The following INPP5D variants were observed in gnomAD, a reference collection of about 807,000 sequenced individuals.
The protein encoded by INPP5D is inositol polyphosphate-5-phosphatase D.
Under a neutral mutation model 122.9 loss-of-function variants are expected in INPP5D, and 33 were observed. That is an observed-to-expected ratio of 0.27 (90% CI 0.20 to 0.36). INPP5D has a LOEUF of 0.36. INPP5D is among the 10% of genes least tolerant of loss of function. The probability of loss-of-function intolerance (pLI) is 1.00; values close to 1 mark genes in which losing one functional copy is unlikely to be tolerated. For synonymous variants in INPP5D, 584 were observed against 576.2 expected (o/e 1.01, Z -0.19); for missense variants, 1,053 against 1,412.7 (o/e 0.75, Z 4.08).
chr2:233,098,936 T>TTTTATTTATTTA (rs57540040), intron 2 of INPP5D, among the ~76,000 whole-genome samples: 5,828 of 146,026 alleles, frequency 0.04, 273 homozygotes, highest in African/African-American at 0.11. Flanking sequence ...GGAACTTTAT[T>TTTTATTTATTTA]TTTATTTATT....
intron 18 of INPP5D, among the ~76,000 whole-genome samples, chr2:233,178,380 T>C (rs865800192): frequency 7.5e-4 from 114 of 152,314 alleles, no homozygotes; most frequent in African/African-American, 2.3e-3. Context: ...TAGTTCCCAT[T>C]ACTTACGAAG....
Position 233,060,559 on chromosome 2 carries a change from C to T in INPP5D, c.81C>T (p.Ser27=). The change falls in exon 1 of 27, where the codon AGC becomes AGT. Residue 27 remains serine, a synonymous_variant. Coordinates refer to ENST00000445964, the MANE Select transcript of INPP5D (RefSeq NM_001017915.3). ...TTTCCAGGACAGGCAAGGACGGGAG[C>T]TTCCTCGTGCGTGCCAGCGAGTCCA... ...ELLSRTGKDG[S]FLVRASESIS... The T allele has an allele frequency of 6.2e-7, 1 of 1,614,036 alleles. No homozygotes were observed. Among genetic ancestry groups the T allele is most frequent in the Non-Finnish European group, 8.5e-7 (1 of 1,179,884 alleles).
chr2:233,094,542 A>AAAAAAAAAAAAAAC (rs1692082018), intron 2 of INPP5D, among the ~76,000 whole-genome samples: 1 of 145,674 alleles, frequency 6.9e-6, no homozygotes, highest in Non-Finnish European at 1.5e-5. Flanking sequence ...AAAAAAAAAA[A>AAAAAAAAAAAAAAC]TTCTAAAATC....
At chr2:233,116,349 G>GCTCCA (rs1343115502) in intron 2 of INPP5D, among the ~76,000 whole-genome samples, 4 of 151,778 alleles carry the variant, frequency 2.6e-5, no homozygotes, top group East Asian at 1.9e-4. Context: ...GAGTGCAGTG[G>GCTCCA]TGTGATTGTG....
Position 233,130,508 on chromosome 2 carries a change from G to A in INPP5D, c.525G>A (p.Gly175=), listed in dbSNP as rs542437164. The A allele has an allele frequency of 6.2e-7, 1 of 1,612,248 alleles. No homozygotes were observed. The highest frequency in any genetic ancestry group is 8.5e-7 in the Non-Finnish European group (1 of 1,179,486). ...TTTGTTTCTTTTTTCTTTTCTTTAG[G>A]CTTCCAGAAGAGCATCTTAAGGCCA... ...FQRLQSMDTS[G]LPEEHLKAIQ... Residue 175 remains glycine (G), a splice_region_variant and synonymous_variant, in exon 5 of 27, where the codon GGG becomes GGA. Transcript: ENST00000445964.
intron 2 of INPP5D, among the ~76,000 whole-genome samples, chr2:233,121,732 G>C (rs1692986121): frequency 6.6e-6 from 1 of 151,730 alleles, no homozygotes; most frequent in African/African-American, 2.4e-5. Flanking sequence ...CATCGTGTTG[G>C]CCAGGCTGGT....
intron 10 of INPP5D, among the ~76,000 whole-genome samples, chr2:233,159,378 A>G (rs1694138554): frequency 6.6e-6 from 1 of 152,204 alleles, no homozygotes; most frequent in Admixed American, 6.5e-5. Context: ...TGAACAGCCT[A>G]GTCAGACCCC....
intron 2 of INPP5D, among the ~76,000 whole-genome samples, chr2:233,097,608 T>A (rs1692181727): frequency 6.6e-6 from 1 of 152,186 alleles, no homozygotes; most frequent in Non-Finnish European, 1.5e-5. Flanking sequence ...CATCATGACA[T>A]TTTCTGGTTA....
chr2:233,082,238 C>G lies in INPP5D; in HGVS notation c.198+2840C>G, dbSNP rs904638747. 2.0e-5 allele frequency among the ~76,000 whole-genome samples: 3 copies of G among 152,180 alleles called. No individual in the cohort carries two copies. The highest frequency in any genetic ancestry group is 4.4e-5 in the Non-Finnish European group (3 of 68,038). On this transcript the variant is annotated intron_variant, in intron 2 of 26. Transcript: ENST00000445964. The surrounding 1 kb of genome is among the most constrained non-coding windows in gnomAD (Gnocchi z 4.7). The stretch of plus-strand genomic sequence containing the variant: ...GGTGGACTCACCTTCGAAAATCTAC[C>G]TCCAAGAGTAAATGACAGCAGACGT...
Position 233,204,454 on chromosome 2 carries a change from A to T in INPP5D, c.3304A>T (p.Ser1102Cys). 6.3e-7 allele frequency: 1 copy of T among 1,596,452 alleles called. No individual in the cohort carries two copies. Among genetic ancestry groups the T allele is most frequent in the Non-Finnish European group, 8.5e-7 (1 of 1,172,666 alleles). ...AEGRAAGGDK[S>C]QGKPKTPVSS... The stretch of plus-strand genomic sequence containing the variant: ...GGGCAGGGCGGCCGGCGGGGACAAG[A>T]GCCAAGGGAAGCCCAAGACCCCGGT... The change falls in exon 26 of 27, where the codon AGC (serine) becomes TGC (cysteine). Residue 1102 changes from serine (S) to cysteine (C), a missense_variant. Ser to Cys is a moderately radical substitution (Grantham distance 112, BLOSUM62 -1). Around this residue, in one of 6 missense-constraint regions of INPP5D, gnomAD observed 417 missense variants for 425.8 expected, o/e 0.98. Transcript: ENST00000445964.
chr2:233,189,184 G>A lies in INPP5D; in HGVS notation c.2359-666G>A, dbSNP rs1212204334. 6.6e-6 allele frequency among the ~76,000 whole-genome samples: 1 copy of A among 152,190 alleles called. No individual in the cohort carries two copies. Among genetic ancestry groups the A allele is most frequent in the Admixed American group, 6.5e-5 (1 of 15,278 alleles). The stretch of plus-strand genomic sequence containing the variant: ...CCCCGCTGCCAGCCAGGCCAGCAGG[G>A]CCTCTGGGGGAGCTGGCACTCCCCA... On this transcript the variant is annotated intron_variant, in intron 21 of 26. Transcript: ENST00000445964. This position sits in a 1 kb window ranked among gnomAD's most constrained non-coding sequence, Gnocchi z 5.6.
intron 8 of INPP5D, among the ~76,000 whole-genome samples, chr2:233,146,915 C>G (rs960460885): frequency 6.6e-6 from 1 of 152,202 alleles, no homozygotes; most frequent in African/African-American, 2.4e-5. Context: ...GTCCCAAATT[C>G]AGGAATCCAG....
chr2:233,087,191 C>A (rs1336711661), intron 2 of INPP5D, among the ~76,000 whole-genome samples: 2 of 152,168 alleles, frequency 1.3e-5, no homozygotes, highest in Non-Finnish European at 2.9e-5. Context: ...AGAAGAAAGT[C>A]TTTCTGAGAG....
chr2:233,149,600 T>C (rs935180517), intron 9 of INPP5D, among the ~76,000 whole-genome samples: 3 of 152,146 alleles, frequency 2.0e-5, no homozygotes, highest in African/African-American at 7.2e-5. Flanking sequence ...TTCCTGCACC[T>C]GCCATTGCTC....
intron 5 of INPP5D, among the ~76,000 whole-genome samples, chr2:233,138,269 T>C (rs1693547036): frequency 7.3e-6 from 1 of 137,354 alleles, no homozygotes; most frequent in Non-Finnish European, 1.5e-5. Flanking sequence ...ATCACGCCAC[T>C]GCACTCCAGC....
In INPP5D at chr2:233,188,452, C is replaced by T. The variant is rs1224235180; in HGVS notation, c.2359-1398C>T. On this transcript the variant is annotated intron_variant, in intron 21 of 26. Transcript: ENST00000445964. This position sits in a 1 kb window ranked among gnomAD's most constrained non-coding sequence, Gnocchi z 4.7. ...GCATCCAAGAACCCCAGCTCTGGCC[C>T]TGGGTCTAGCTTAGAGCCTGACATC... 6.6e-6 allele frequency among the ~76,000 whole-genome samples: 1 copy of T among 152,204 alleles called. No individual in the cohort carries two copies. Among genetic ancestry groups the T allele is most frequent in the African/African-American group, 2.4e-5 (1 of 41,448 alleles).
Position 233,204,559 on chromosome 2 carries a change from C to A in INPP5D, c.3409C>A (p.Pro1137Thr). 6.4e-7 allele frequency: 1 copy of A among 1,570,808 alleles called. No homozygotes were observed. The highest frequency in any genetic ancestry group is 2.4e-5 in the East Asian group (1 of 42,048). The change falls in exon 26 of 27, where the codon CCG (proline) becomes ACG (threonine). Residue 1137 changes from proline (P) to threonine (T), a missense_variant. Physicochemically the swap from Pro to Thr is conservative, Grantham distance 38. Coordinates refer to ENST00000445964, the MANE Select transcript of INPP5D (RefSeq NM_001017915.3). ...SEINQQTPPT[P>T]TPRPPLPVKS... is the part of the protein sequence containing the mutation. ...AATCAACCAGCAGACCCCGCCCACC[C>A]CGACGCCGCGGCCGCCGCTGCCAGT... is the stretch of plus-strand genomic sequence containing the variant.
chr2:233,060,653 G>A (rs757912517), intron 1 of INPP5D, 41 bp downstream of exon 1: 2 of 1,605,256 alleles, frequency 1.2e-6, no homozygotes, highest in African/African-American at 1.3e-5. Context: ...AGATATGACA[G>A]AGGGGCTTAG....
chr2:233,185,676 G>C (rs997193050), intron 20 of INPP5D, among the ~76,000 whole-genome samples, 167 bp from the exon 21 acceptor site: 1 of 145,790 alleles, frequency 6.9e-6, no homozygotes. Flanking sequence ...CAGAATCCCC[G>C]GCAGGCCTGA....
Sources: gnomAD v4.1 joint callset for allele counts (sites outside exome capture counted in the v4.1 genomes callset) on GRCh38, gnomAD v4.1.1 for gene constraint, gnomAD v4.1.1 regional missense constraint, Gnocchi (gnomAD v3.1) non-coding constraint, MANE v1.5 for transcripts, NCBI Gene and HGNC (gene_info 2026-07-23, HGNC 2026-07-21) for gene names.